NT5C3A: variants seen among roughly 807,000 people sequenced by gnomAD.
NT5C3A encodes 5'-nucleotidase, cytosolic IIIA.
A neutral mutation model predicts 40.0 loss-of-function variants in NT5C3A; 23 were observed. The observed-to-expected ratio is 0.58, with a 90% CI of 0.41 to 0.81. The LOEUF (loss-of-function observed/expected upper bound fraction) is 0.81. NT5C3A is among the 40% of genes least tolerant of loss of function. The pLI is 0.00. For missense variants in NT5C3A, 328 were observed against 403.0 expected, an observed-to-expected ratio of 0.81 and a Z score of 1.59; for synonymous variants, 130 against 141.4, an observed-to-expected ratio of 0.92 and a Z score of 0.57.
intron 1 of NT5C3A, among the ~76,000 whole-genome samples, chr7:33,044,702 TTC>T (rs1290586111): frequency 6.6e-6 from 1 of 152,240 alleles, no homozygotes; most frequent in Non-Finnish European, 1.5e-5. Flanking sequence ...CCATTTTTAT[TTC>T]TGAGTAACTA....
rs372919728 is a variant in NT5C3A at position 33,017,423 on chromosome 7, G to A, written c.693+16C>T. 4.9e-5 allele frequency: 76 copies of A among 1,554,592 alleles called. No homozygotes were observed. The highest frequency in any genetic ancestry group is 4.5e-4 in the African/African-American group (33 of 73,766). Reference sequence around the variant, plus strand: ...TTCAGATTTTAAAATTATGAAGAACGATTTGATATTCTTACAGTTTCATCA... The same window carrying A: ...TTCAGATTTTAAAATTATGAAGAACAATTTGATATTCTTACAGTTTCATCA... On this transcript the variant is annotated intron_variant, in intron 7 of 8. Coordinates refer to ENST00000610140, the MANE Select transcript of NT5C3A (RefSeq NM_001002010.5).
intron 5 of NT5C3A, among the ~76,000 whole-genome samples, chr7:33,020,484 ATCT>A (rs1785565314): frequency 6.6e-6 from 1 of 152,164 alleles, no homozygotes; most frequent in African/African-American, 2.4e-5. Context: ...GCTGAAATCA[ATCT>A]TCTTATATCT....
intron 1 of NT5C3A, among the ~76,000 whole-genome samples, chr7:33,032,069 G>A (rs931869631): frequency 3.3e-5 from 5 of 151,804 alleles, no homozygotes; most frequent in Non-Finnish European, 5.9e-5. Context: ...AGGTTGCAGT[G>A]AGCCGAGATG....
chr7:33,052,554 A>G (rs1196723305), intron 1 of NT5C3A, among the ~76,000 whole-genome samples: 1 of 151,728 alleles, frequency 6.6e-6, no homozygotes, highest in African/African-American at 2.4e-5. Flanking sequence ...ATTTTATTAT[A>G]CAAATGCACC....
At chr7:33,051,423 A>G (rs1012236524) in intron 1 of NT5C3A, among the ~76,000 whole-genome samples, 8 of 152,148 alleles carry the variant, frequency 5.3e-5, no homozygotes, top group African/African-American at 1.9e-4. Flanking sequence ...CGGCCTCCCA[A>G]AGTGCTGGGA....
intron 2 of NT5C3A, among the ~76,000 whole-genome samples, chr7:33,026,046 T>C (rs1036815857): frequency 6.6e-6 from 1 of 152,024 alleles, no homozygotes; most frequent in African/African-American, 2.4e-5. Context: ...ATTAGCTGGG[T>C]GTGGTGGCAG....
intron 1 of NT5C3A, among the ~76,000 whole-genome samples, chr7:33,031,232 T>C (rs1248049805): frequency 6.6e-6 from 1 of 152,110 alleles, no homozygotes; most frequent in African/African-American, 2.4e-5. Context: ...GATGAGATTA[T>C]GACAACTTCA....
At chr7:33,047,343 C>T (rs1304777397) in intron 1 of NT5C3A, among the ~76,000 whole-genome samples, 1 of 152,164 alleles carries the variant, frequency 6.6e-6, no homozygotes, top group Non-Finnish European at 1.5e-5. Context: ...ACCCTTCCTT[C>T]TTACTGTGCC....
chr7:33,039,562 G>GTTTTTTT (rs770430109), intron 1 of NT5C3A, among the ~76,000 whole-genome samples: 6 of 120,512 alleles, frequency 5.0e-5, no homozygotes, highest in African/African-American at 6.5e-5. Flanking sequence ...TGGGTTTTTT[G>GTTTTTTT]TTTTTTTTTT....
At chr7:33,020,417 A>G (rs1785561961) in intron 5 of NT5C3A, among the ~76,000 whole-genome samples, 1 of 152,194 alleles carries the variant, frequency 6.6e-6, no homozygotes, top group Non-Finnish European at 1.5e-5. Flanking sequence ...TCTCCCAGGG[A>G]AGCTTATTCC....
At chr7:33,043,652 G>C (rs1361042950) in intron 1 of NT5C3A, among the ~76,000 whole-genome samples, 1 of 152,192 alleles carries the variant, frequency 6.6e-6, no homozygotes, top group Non-Finnish European at 1.5e-5. Flanking sequence ...CTCTGCTGGT[G>C]TGTGTGCCTG....
At chr7:33,022,146 A>G in intron 3 of NT5C3A, 47 bp from the exon 4 acceptor site, 1 of 958,754 alleles carries the variant, frequency 1.0e-6, no homozygotes, top group Non-Finnish European at 1.7e-6. Flanking sequence ...ACTCTGATTT[A>G]TGCTACCACT....
chr7:33,030,776 A>T (rs1786203711), intron 1 of NT5C3A, among the ~76,000 whole-genome samples: 1 of 152,194 alleles, frequency 6.6e-6, no homozygotes, highest in African/African-American at 2.4e-5. Context: ...ATTTGATATG[A>T]TCTTGTGGAT....
chr7:33,044,075 G>C (rs1158600223), intron 1 of NT5C3A, among the ~76,000 whole-genome samples: 1 of 150,616 alleles, frequency 6.6e-6, no homozygotes, highest in East Asian at 1.9e-4. Flanking sequence ...TGCCCAGTCT[G>C]GAGTACAATG....
At chr7:33,034,967 T>C (rs1181252441) in intron 1 of NT5C3A, among the ~76,000 whole-genome samples, 2 of 152,188 alleles carry the variant, frequency 1.3e-5, no homozygotes, top group African/African-American at 4.8e-5. Flanking sequence ...ACAGATGTAA[T>C]TTCTTTCCAC....
At chr7:33,031,250 A>T (rs950602041) in intron 1 of NT5C3A, among the ~76,000 whole-genome samples, 2 of 152,088 alleles carry the variant, frequency 1.3e-5, no homozygotes, top group Non-Finnish European at 2.9e-5. Context: ...TCAAAGTTTA[A>T]TTCTGTTTGA....
At chr7:33,014,121 A>C, downstream of NT5C3A, 1 of 424,806 alleles carries the variant, frequency 2.4e-6, no homozygotes, top group Non-Finnish European at 4.7e-6. Flanking sequence ...GATAGTTTTG[A>C]CCATAGAATT....
intron 1 of NT5C3A, among the ~76,000 whole-genome samples, chr7:33,037,749 A>G (rs1388976069): frequency 6.6e-6 from 1 of 152,220 alleles, no homozygotes; most frequent in Non-Finnish European, 1.5e-5. Flanking sequence ...CATCTGAAAA[A>G]GAATGTATCT....
intron 8 of NT5C3A, among the ~76,000 whole-genome samples, chr7:33,015,126 C>T (rs187826780): frequency 1.2e-4 from 18 of 152,196 alleles, no homozygotes; most frequent in Admixed American, 3.9e-4. Flanking sequence ...AGTCTCATGG[C>T]AGGAGACTGC....
Sources: gnomAD v4.1 joint callset for allele counts (sites outside exome capture counted in the v4.1 genomes callset) on GRCh38, gnomAD v4.1.1 for gene constraint, MANE v1.5 for transcripts, NCBI Gene and HGNC (gene_info 2026-07-23, HGNC 2026-07-21) for gene names.